The following JPT1 variants were observed in gnomAD, a reference collection of about 807,000 sequenced individuals.
JPT1 encodes the protein Jupiter microtubule associated homolog 1.
JPT1 carries 5 observed loss-of-function variants against 17.0 expected under a neutral mutation model. The observed-to-expected ratio is 0.29, with a 90% CI of 0.15 to 0.62. JPT1 has a LOEUF of 0.62. JPT1 is among the 20% of genes least tolerant of loss of function. The pLI is 0.85. For missense variants in JPT1, 158 were observed against 188.1 expected, an observed-to-expected ratio of 0.84 and a Z score of 0.94; for synonymous variants, 71 against 73.6, an observed-to-expected ratio of 0.96 and a Z score of 0.18.
intron 1 of JPT1, among the ~76,000 whole-genome samples, chr17:75,150,634 T>C (rs1417741350): frequency 6.6e-6 from 1 of 151,902 alleles, no homozygotes; most frequent in Non-Finnish European, 1.5e-5. Context: ...GTGATCCGCC[T>C]GCCTCAGCCT....
chr17:75,137,569 A>ATG (rs903883666), intron 4 of JPT1, among the ~76,000 whole-genome samples: 2 of 142,896 alleles, frequency 1.4e-5, no homozygotes, highest in African/African-American at 5.4e-5. Context: ...GGGTCTCCTT[A>ATG]TGTTACCCAG....
At chr17:75,153,302 G>A (rs1331580087) in intron 1 of JPT1, 1 of 152,154 alleles carries the variant, frequency 6.6e-6, no homozygotes. Flanking sequence ...GTTAAGCAAG[G>A]ACTTGGAAAA....
At chr17:75,149,782 A>T (rs573743512) in intron 1 of JPT1, among the ~76,000 whole-genome samples, 1 of 152,206 alleles carries the variant, frequency 6.6e-6, no homozygotes, top group Admixed American at 6.5e-5. Flanking sequence ...AAGCTGAGGC[A>T]GGAGGATTGC....
At chr17:75,150,038 TTAAGTA>T (rs1359913920) in intron 1 of JPT1, among the ~76,000 whole-genome samples, 11 of 152,320 alleles carry the variant, frequency 7.2e-5, no homozygotes, top group African/African-American at 2.4e-4. Flanking sequence ...GTATGAGCAA[TTAAGTA>T]TAAGATTCCA....
In JPT1 at chr17:75,135,694, C is replaced by T. The variant is rs1358319237; in HGVS notation, c.*408G>A. The T allele has an allele frequency of 1.3e-5, 3 of 224,134 alleles. No individual in the cohort carries two copies. Among genetic ancestry groups the T allele is most frequent in the South Asian group, 2.7e-4 (2 of 7,338 alleles). The allele number at this position is 224,134 out of a possible 1,614,324, so 13.9% of individuals were successfully genotyped here. A position where few individuals can be genotyped will look rare whatever the true frequency, so the allele number is the denominator to read the frequency against. On this transcript the variant is annotated 3_prime_UTR_variant, in exon 5 of 5. Transcript: ENST00000409753. ...TTAGGGCAACACCAAGAAGGCTCTG[C>T]GGAGAGACTCCCTGTGGGTTGGGGC...
At chr17:75,142,710 GAGGAGGGAAGA>G in intron 4 of JPT1, 1 of 451,978 alleles carries the variant, frequency 2.2e-6, no homozygotes, top group South Asian at 1.6e-5. Flanking sequence ...GGGGAAGGGA[GAGGAGGGAAGA>G]AGGAAGGAAG....
At chr17:75,146,300 G>A (rs1300718404) in intron 4 of JPT1, among the ~76,000 whole-genome samples, 1 of 152,112 alleles carries the variant, frequency 6.6e-6, no homozygotes, top group Non-Finnish European at 1.5e-5. Context: ...CTACAGGCAT[G>A]TGCCGCCATG....
At chr17:75,137,324 T>TTTTG (rs60045220) in intron 4 of JPT1, among the ~76,000 whole-genome samples, 90,459 of 150,422 alleles carry the variant, frequency 0.6, 28,294 homozygotes, top group Non-Finnish European at 0.7. Context: ...TTTTTAGTTT[T>TTTTG]TTTGTTTGTT....
intron 4 of JPT1, among the ~76,000 whole-genome samples, chr17:75,141,617 C>T (rs1349822739): frequency 1.3e-5 from 2 of 151,760 alleles, no homozygotes; most frequent in Non-Finnish European, 2.9e-5. Flanking sequence ...TATGCCACTG[C>T]ACTCCAGCCT....
intron 4 of JPT1, 139 bp downstream of exon 4, chr17:75,146,527 G>A: frequency 3.2e-6 from 2 of 619,298 alleles, no homozygotes; most frequent in Admixed American, 6.4e-5. Context: ...GTTACTGGCA[G>A]ATTAGAGTAT....
chr17:75,146,616 G>C, intron 4 of JPT1, 50 bp downstream of exon 4: 1 of 1,386,904 alleles, frequency 7.2e-7, no homozygotes, highest in Non-Finnish European at 1.0e-6. Flanking sequence ...ATTCAGATCT[G>C]TCCTAAAACC....
chr17:75,148,495 C>A, intron 2 of JPT1, 34 bp downstream of exon 2: 2 of 1,609,570 alleles, frequency 1.2e-6, no homozygotes, highest in African/African-American at 1.3e-5. Flanking sequence ...CTGGGCCCAT[C>A]CCTTTGAACA....
intron 1 of JPT1, among the ~76,000 whole-genome samples, chr17:75,150,751 G>A (rs1033665724): frequency 6.6e-6 from 1 of 151,614 alleles, no homozygotes; most frequent in Admixed American, 6.6e-5. Context: ...AATATGGAAA[G>A]ACTTTCTAAC....
intron 4 of JPT1, among the ~76,000 whole-genome samples, chr17:75,143,571 T>G (rs890686650): frequency 6.6e-6 from 1 of 150,728 alleles, no homozygotes; most frequent in East Asian, 2.0e-4. Context: ...CATGGTGGCT[T>G]ACACCCATAA....
At position 75,154,497 on chromosome 17, in the gene JPT1, T is replaced by A; in HGVS notation, c.-100A>T. Reference sequence around the variant, plus strand: ...TCCACACCCAACAGCCGACCACCGCTGCAGGAGCCGCCGCTGCCGCCTGTC... The same window carrying A: ...TCCACACCCAACAGCCGACCACCGCAGCAGGAGCCGCCGCTGCCGCCTGTC... On this transcript the variant is annotated 5_prime_UTR_variant, in exon 1 of 5. Coordinates refer to ENST00000409753, the MANE Select transcript of JPT1 (RefSeq NM_016185.4). The A allele has an allele frequency of 9.0e-7, 1 of 1,112,244 alleles. No homozygotes were observed. The highest frequency in any genetic ancestry group is 1.3e-6 in the Non-Finnish European group (1 of 786,896). The allele number at this position is 1,112,244 out of a possible 1,614,324, so 68.9% of individuals were successfully genotyped here.
chr17:75,135,893 A>T lies in JPT1; in HGVS notation c.*209T>A. 1.0e-6 allele frequency: 1 copy of T among 1,000,548 alleles called. No homozygotes were observed. The highest frequency in any genetic ancestry group is 1.5e-6 in the Non-Finnish European group (1 of 680,380). 62.0% of individuals were successfully genotyped at this position (1,000,548 alleles called of 1,614,324 possible). On this transcript the variant is annotated 3_prime_UTR_variant, in exon 5 of 5. Transcript: ENST00000409753. Reference sequence around the variant, plus strand: ...CACAAAGCTTTCCCTCCAATCTACTACTAGAAAACACTCATGCCATGGCCC... The same window carrying T: ...CACAAAGCTTTCCCTCCAATCTACTTCTAGAAAACACTCATGCCATGGCCC...
chr17:75,142,400 T>TA lies in JPT1; in HGVS notation c.316+4265dup, dbSNP rs568728783. Reference sequence around the variant, plus strand: ...CATGTTGAAACTCTGTCTCTACTAATAAAAAAAAAATTAGCCGGGCGTGGT... The same window carrying TA: ...CATGTTGAAACTCTGTCTCTACTAATAAAAAAAAAAATTAGCCGGGCGTGGT... On this transcript the variant is annotated intron_variant, in intron 4 of 4. Coordinates refer to ENST00000409753, the MANE Select transcript of JPT1 (RefSeq NM_016185.4). Among the ~76,000 whole-genome samples, 90 of 144,990 alleles carry TA rather than the reference T, an allele frequency of 6.2e-4. 1 individual carries two copies. The highest frequency in any genetic ancestry group is 7.0e-3 in the Middle Eastern group (2 of 284).
At chr17:75,147,383 C>T in intron 3 of JPT1, 173 bp downstream of exon 3, 1 of 562,340 alleles carries the variant, frequency 1.8e-6, no homozygotes. Context: ...CAGACTGAGA[C>T]CATGTTAACA....
chr17:75,143,762 G>T lies in JPT1; in HGVS notation c.316+2904C>A, dbSNP rs554039547. ...GAGGAAGGAGAATCGCTTGAACCTG[G>T]GAGGCAGAGGATGCAGTGAGCTGAG... is the stretch of plus-strand genomic sequence containing the variant. On this transcript the variant is annotated intron_variant, in intron 4 of 4. Coordinates refer to ENST00000409753, the MANE Select transcript of JPT1 (RefSeq NM_016185.4). Among the ~76,000 whole-genome samples, 201 of 152,168 alleles carry T rather than the reference G, an allele frequency of 1.3e-3. 1 individual carries two copies. The highest frequency in any genetic ancestry group is 7.7e-4 in the East Asian group (4 of 5,170).
Sources: gnomAD v4.1 joint callset for allele counts (sites outside exome capture counted in the v4.1 genomes callset) on GRCh38, gnomAD v4.1.1 for gene constraint, MANE v1.5 for transcripts, NCBI Gene and HGNC (gene_info 2026-07-23, HGNC 2026-07-21) for gene names.